Variants in PMS1 observed in about 807,000 individuals in gnomAD.
PMS1 encodes the protein PMS1 homolog 1, mismatch repair system component.
A neutral mutation model predicts 93.1 loss-of-function variants in PMS1; 79 were observed. The observed-to-expected ratio is 0.85, with a 90% CI of 0.71 to 1.02. The LOEUF is 1.02. Among genes scored for constraint, PMS1 ranks in the 50% least tolerant of loss-of-function variants. The pLI, the probability that PMS1 is intolerant of heterozygous loss-of-function variation, is 0.00. For missense variants in PMS1, 1,064 were observed against 1,085.3 expected (o/e 0.98, Z 0.28); for synonymous variants, 335 against 363.4 (o/e 0.92, Z 0.89).
intron 5 of PMS1, among the ~76,000 whole-genome samples, chr2:189,825,655 T>C (rs2052367164): frequency 6.6e-6 from 1 of 152,210 alleles, no homozygotes; most frequent in Non-Finnish European, 1.5e-5. Flanking sequence ...ATTGTTTTGA[T>C]TGAATTTTGT....
At chr2:189,827,926 GT>G (rs1057434719) in intron 5 of PMS1, among the ~76,000 whole-genome samples, 2 of 151,686 alleles carry the variant, frequency 1.3e-5, no homozygotes, top group African/African-American at 4.9e-5. Flanking sequence ...TTGTTTGTTT[GT>G]TTGTTTGTTT....
intron 6 of PMS1, among the ~76,000 whole-genome samples, chr2:189,844,409 C>T (rs563666840): frequency 2.0e-5 from 3 of 152,088 alleles, no homozygotes; most frequent in East Asian, 1.9e-4. Context: ...TTTGGAAGTC[C>T]GGGGCAGGCA....
intron 4 of PMS1, among the ~76,000 whole-genome samples, chr2:189,807,314 G>T (rs2050428772): frequency 1.3e-5 from 2 of 151,946 alleles, no homozygotes; most frequent in Admixed American, 1.3e-4. Context: ...GATGTAGAAT[G>T]ATACAAATAT....
chr2:189,822,781 G>A (rs2052048541), intron 5 of PMS1, among the ~76,000 whole-genome samples: 2 of 152,138 alleles, frequency 1.3e-5, no homozygotes, highest in South Asian at 2.1e-4. Context: ...CAAAATGTTG[G>A]TTTCTATAAA....
intron 5 of PMS1, among the ~76,000 whole-genome samples, chr2:189,835,641 T>G (rs1375082839): frequency 6.6e-6 from 1 of 152,016 alleles, no homozygotes; most frequent in Non-Finnish European, 1.5e-5. Flanking sequence ...ACTTAAGAAA[T>G]TTGCCTGGGT....
At chr2:189,797,087 AC>A (rs2049426953) in intron 3 of PMS1, among the ~76,000 whole-genome samples, 1 of 152,108 alleles carries the variant, frequency 6.6e-6, no homozygotes, top group Non-Finnish European at 1.5e-5. Context: ...TTTTTCCTAT[AC>A]CTACTTGACC....
In PMS1 at chr2:189,795,861, C is replaced by T. The variant is rs201065617; in HGVS notation, c.225C>T (p.Thr75=). ...CTGTAATGGCAATGAAGTACTACACCTCAAAAATAAATAGTCATGAAGATC... is the reference window on the plus strand; with the variant it reads ...CTGTAATGGCAATGAAGTACTACACTTCAAAAATAAATAGTCATGAAGATC... The part of the protein sequence containing the change: ...DAPVMAMKYY[T]SKINSHEDLE... The change falls in exon 3 of 13, where the codon ACC becomes ACT. Residue 75 remains threonine (T), a synonymous_variant. Transcript: ENST00000441310. 1 of 1,612,486 alleles carries T rather than the reference C, an allele frequency of 6.2e-7. No individual in the cohort carries two copies. Among genetic ancestry groups the T allele is most frequent in the African/African-American group, 1.3e-5 (1 of 74,870 alleles).
intron 5 of PMS1, among the ~76,000 whole-genome samples, chr2:189,822,821 C>CT (rs2052053474): frequency 1.3e-5 from 2 of 152,292 alleles, no homozygotes; most frequent in African/African-American, 4.8e-5. Context: ...CTGAAGAAAA[C>CT]TACATGTGTC....
At chr2:189,855,933 A>C in intron 9 of PMS1, 1 of 755,538 alleles carries the variant, frequency 1.3e-6, no homozygotes, top group Non-Finnish European at 1.7e-6. Context: ...GAGTATCTCA[A>C]TATTATGTCA....
intron 1 of PMS1, among the ~76,000 whole-genome samples, chr2:189,790,739 G>A (rs894936659): frequency 5.3e-5 from 8 of 152,178 alleles, no homozygotes; most frequent in East Asian, 1.9e-4. Flanking sequence ...TTTAATAAAC[G>A]GCAGTATAGA....
At position 189,784,513 on chromosome 2, in the gene PMS1, G is replaced by A. The variant is rs970240419; in HGVS notation, c.-101G>A. 6.5e-6 allele frequency: 1 copy of A among 152,908 alleles called. No homozygotes were observed. Among genetic ancestry groups the A allele is most frequent in the Non-Finnish European group, 1.5e-5 (1 of 68,562 alleles). The allele number at this position is 152,908 out of a possible 1,614,324, so 9.5% of individuals were successfully genotyped here. A position where few individuals can be genotyped will look rare whatever the true frequency, so the allele number is the denominator to read the frequency against. The stretch of plus-strand genomic sequence containing the variant: ...CGTGCTGGGTGCGGGTGCGGGTGCG[G>A]GGTTGGGCCTGCGCATCGGGTGAGA... On this transcript the variant is annotated 5_prime_UTR_variant, in exon 1 of 13. Coordinates refer to ENST00000441310, the MANE Select transcript of PMS1 (RefSeq NM_000534.5).
rs972153044 is a variant in PMS1 at position 189,795,792 on chromosome 2, T to A, written c.156T>A (p.Ile52=). 2 of 1,613,696 alleles carry A rather than the reference T, an allele frequency of 1.2e-6. No homozygotes were observed. Among genetic ancestry groups the A allele is most frequent in the East Asian group, 4.5e-5 (2 of 44,882 alleles). The change falls in exon 3 of 13, where the codon ATT becomes ATA. Residue 52 remains isoleucine (I), a synonymous_variant. Coordinates refer to ENST00000441310, the MANE Select transcript of PMS1 (RefSeq NM_000534.5). ...AGGAGAACTATGGATTTGATAAAAT[T>A]GAGGTGCGAGATAACGGGGAGGGTA... The part of the protein sequence containing the change: ...VKLENYGFDK[I]EVRDNGEGIK...
chr2:189,837,966 G>A lies in PMS1; in HGVS notation c.583-5998G>A, dbSNP rs540262131. 7.2e-5 allele frequency among the ~76,000 whole-genome samples: 11 copies of A among 152,248 alleles called. No homozygotes were observed. The East Asian group carries it at 1.7e-3, about 24-fold the overall frequency. On this transcript the variant is annotated intron_variant, in intron 5 of 12. Coordinates refer to ENST00000441310, the MANE Select transcript of PMS1 (RefSeq NM_000534.5). The stretch of plus-strand genomic sequence containing the variant: ...CATTTATATGAAACATCCTAAGTGG[G>A]CAAATTTTATATAGAGAGAAGATAG...
At chr2:189,796,002 A>G (rs758603924) in intron 3 of PMS1, 51 bp downstream of exon 3, 1 of 1,150,676 alleles carries the variant, frequency 8.7e-7, no homozygotes, top group Middle Eastern at 2.0e-4. Context: ...ACTGAACATT[A>G]CAGTTAAAAC....
chr2:189,843,259 C>A (rs532766861), intron 5 of PMS1, among the ~76,000 whole-genome samples: 27 of 152,028 alleles, frequency 1.8e-4, no homozygotes, highest in African/African-American at 6.3e-4. Context: ...CTCAAGTGAT[C>A]CGCCTGCCTC....
intron 1 of PMS1, among the ~76,000 whole-genome samples, chr2:189,785,060 A>G (rs988707415): frequency 6.6e-6 from 1 of 152,226 alleles, no homozygotes; most frequent in Admixed American, 6.5e-5. Flanking sequence ...AATACCAAAA[A>G]TTGATCCTGA....
chr2:189,849,453 C>A (rs943325371), intron 6 of PMS1, among the ~76,000 whole-genome samples: 1 of 151,788 alleles, frequency 6.6e-6, no homozygotes, highest in Non-Finnish European at 1.5e-5. Context: ...TTTAAGTGTA[C>A]GCTACTTTTC....
intron 3 of PMS1, among the ~76,000 whole-genome samples, chr2:189,798,756 G>GTTTTTTTTT (rs2049587934): frequency 2.2e-4 from 28 of 125,208 alleles, no homozygotes; most frequent in Non-Finnish European, 2.7e-4. Flanking sequence ...ATAAGTATTT[G>GTTTTTTTTT]ATTTTTTTTT....
chr2:189,814,350 G>A (rs1036653331), intron 4 of PMS1, among the ~76,000 whole-genome samples: 1 of 151,672 alleles, frequency 6.6e-6, no homozygotes, highest in Admixed American at 6.6e-5. Context: ...ATATGCTAAT[G>A]AGGCACCAGA....
Sources: gnomAD v4.1 joint callset for allele counts (sites outside exome capture counted in the v4.1 genomes callset) on GRCh38, gnomAD v4.1.1 for gene constraint, MANE v1.5 for transcripts, NCBI Gene and HGNC (gene_info 2026-07-23, HGNC 2026-07-21) for gene names.